RIC8B: variants seen among roughly 807,000 people sequenced by gnomAD.
RIC8B encodes chaperone Ric-8B.
A neutral mutation model predicts 57.5 loss-of-function variants in RIC8B; 16 were observed. The ratio of observed to expected loss-of-function variants is 0.28; its 90% CI spans 0.19 to 0.42. The LOEUF (loss-of-function observed/expected upper bound fraction) is 0.42. RIC8B is among the 10% of genes least tolerant of loss of function. The pLI, the probability that RIC8B is intolerant of heterozygous loss-of-function variation, is 1.00. For synonymous variants in RIC8B, 216 were observed against 250.8 expected (o/e 0.86, Z 1.31); for missense variants, 481 against 677.0 (o/e 0.71, Z 3.21).
chr12:106,810,766 G>A (rs1191523201), intron 2 of RIC8B, among the ~76,000 whole-genome samples: 1 of 152,208 alleles, frequency 6.6e-6, no homozygotes, highest in Non-Finnish European at 1.5e-5. Flanking sequence ...GATCTTAAGT[G>A]CCAAACTGAG....
intron 2 of RIC8B, among the ~76,000 whole-genome samples, chr12:106,798,368 A>G (rs529349921): frequency 6.6e-6 from 1 of 152,292 alleles, no homozygotes; most frequent in East Asian, 1.9e-4. Flanking sequence ...TAAAAAAACT[A>G]GAGGTTGACT....
Position 106,814,780 on chromosome 12 carries a change from C to T in RIC8B, c.217C>T (p.Leu73Phe). The change falls in exon 3 of 10, where the codon CTC (leucine) becomes TTC (phenylalanine). Residue 73 changes from leucine (L) to phenylalanine (F), a missense_variant. By Grantham distance (22) the Leu-to-Phe change is conservative. Transcript: ENST00000392837. ...QVSCLEVLRI[L>F]SRDKKVLVPV... ...GTCCTGCCTGGAAGTACTCCGCATT[C>T]TCTCCAGAGACAAAAAGGTTTTAGT... The T allele has an allele frequency of 6.2e-7, 1 of 1,614,174 alleles. No individual in the cohort carries two copies. The highest frequency in any genetic ancestry group is 8.5e-7 in the Non-Finnish European group (1 of 1,180,004).
chr12:106,803,504 T>C (rs889898819), intron 2 of RIC8B, among the ~76,000 whole-genome samples: 32 of 152,238 alleles, frequency 2.1e-4, no homozygotes, highest in Non-Finnish European at 2.5e-4. Context: ...AATGTGTGTG[T>C]ATCCTGCCAT....
At chr12:106,784,549 A>G (rs1336461373) in intron 2 of RIC8B, among the ~76,000 whole-genome samples, 1 of 152,086 alleles carries the variant, frequency 6.6e-6, no homozygotes, top group Admixed American at 6.6e-5. Flanking sequence ...TTGTAGAGAC[A>G]GGGTCTCATC....
intron 2 of RIC8B, chr12:106,797,934 T>C (rs2044557245): frequency 1.5e-6 from 1 of 655,676 alleles, no homozygotes; most frequent in African/African-American, 1.8e-5. Context: ...GATTGACCTG[T>C]TGTGTAGTTT....
chr12:106,802,892 A>T (rs1376351672), intron 2 of RIC8B, among the ~76,000 whole-genome samples: 1 of 151,960 alleles, frequency 6.6e-6, no homozygotes, highest in Non-Finnish European at 1.5e-5. Context: ...TTCTATGGTC[A>T]AAGTAAGGAA....
At chr12:106,875,341 C>T (rs1950613549) in intron 9 of RIC8B, among the ~76,000 whole-genome samples, 1 of 152,104 alleles carries the variant, frequency 6.6e-6, no homozygotes, top group South Asian at 2.1e-4. Flanking sequence ...CTCCTCTTTC[C>T]TTCCCTGACT....
At chr12:106,795,612 G>T (rs1357856086) in intron 2 of RIC8B, among the ~76,000 whole-genome samples, 1 of 152,122 alleles carries the variant, frequency 6.6e-6, no homozygotes, top group East Asian at 1.9e-4. Context: ...GCACTGTCTT[G>T]TCTGCTCCTT....
At chr12:106,873,335 T>A (rs111289537) in intron 9 of RIC8B, among the ~76,000 whole-genome samples, 49 of 152,364 alleles carry the variant, frequency 3.2e-4, no homozygotes, top group African/African-American at 1.2e-3. Context: ...TTACATTGTC[T>A]GCCTTTGTGT....
At chr12:106,859,705 C>T (rs11113131) in intron 7 of RIC8B, among the ~76,000 whole-genome samples, 4,292 of 152,162 alleles carry the variant, frequency 0.028, 203 homozygotes, top group African/African-American at 0.098. Flanking sequence ...GGTCTACCTT[C>T]GTAATGGGCT....
At position 106,867,935 on chromosome 12, in the gene RIC8B, G is replaced by GTTCT. The variant is rs1355600098; in HGVS notation, c.1452-2886_1452-2883dup. Reference sequence around the variant, plus strand: ...TGTTTTACTCTATGGCAAAAAATGAGTTCTTACTCTGTAAGAATGAATTTC... The same window carrying GTTCT: ...TGTTTTACTCTATGGCAAAAAATGAGTTCTTTCTTACTCTGTAAGAATGAATTTC... On this transcript the variant is annotated intron_variant, in intron 8 of 9. Transcript: ENST00000392837. This position sits in a 1 kb window ranked among gnomAD's most constrained non-coding sequence, Gnocchi z 4.3. Among the ~76,000 whole-genome samples the GTTCT allele has an allele frequency of 3.3e-5, 5 of 152,190 alleles. No homozygotes were observed. Among genetic ancestry groups the GTTCT allele is most frequent in the Non-Finnish European group, 7.3e-5 (5 of 68,032 alleles).
At chr12:106,809,211 A>G (rs897347378) in intron 2 of RIC8B, among the ~76,000 whole-genome samples, 1 of 152,172 alleles carries the variant, frequency 6.6e-6, no homozygotes, top group Non-Finnish European at 1.5e-5. Flanking sequence ...GCTCCAGGCA[A>G]TCATTTAACG....
At chr12:106,861,100 C>G (rs564817580) in intron 8 of RIC8B, among the ~76,000 whole-genome samples, 1 of 152,076 alleles carries the variant, frequency 6.6e-6, no homozygotes, top group East Asian at 1.9e-4. Flanking sequence ...CCATCCCACT[C>G]GTAACCCTCA....
At chr12:106,813,647 C>G (rs2045439974) in intron 2 of RIC8B, among the ~76,000 whole-genome samples, 1 of 152,124 alleles carries the variant, frequency 6.6e-6, no homozygotes, top group Non-Finnish European at 1.5e-5. Context: ...GGTTTCCTGA[C>G]AAGATCACAA....
rs368736237 is a variant in RIC8B at position 106,843,883 on chromosome 12, T to C, written c.1097T>C (p.Val366Ala). ...AGCTATAGAGAGGGTCTAACTCCAG[T>C]TCTCAGCTTATTAACCGAATGTTCC... is the stretch of plus-strand genomic sequence containing the variant. ...GSSYREGLTP[V>A]LSLLTECSRA... Residue 366 changes from valine (V) to alanine (A), a missense_variant, in exon 6 of 10, where the codon GTT (valine) becomes GCT (alanine). By Grantham distance (64) the Val-to-Ala change is moderately conservative (BLOSUM62 0). This residue lies in a region of RIC8B where 421 missense variants were observed against 560.9 expected (regional missense o/e 0.75). Transcript: ENST00000392837. The C allele has an allele frequency of 1.2e-6, 2 of 1,613,682 alleles. No homozygotes were observed. The highest frequency in any genetic ancestry group is 2.7e-5 in the African/African-American group (2 of 74,872).
chr12:106,777,956 C>T (rs1006296331), intron 1 of RIC8B, among the ~76,000 whole-genome samples: 4 of 152,118 alleles, frequency 2.6e-5, no homozygotes, highest in African/African-American at 7.2e-5. Flanking sequence ...TGACCCTAAA[C>T]GAGTTACTTA....
chr12:106,787,120 A>G (rs2044065773), intron 2 of RIC8B, among the ~76,000 whole-genome samples: 1 of 152,192 alleles, frequency 6.6e-6, no homozygotes, highest in Admixed American at 6.5e-5. Context: ...TCTTTTTCTG[A>G]GTTTTAGATT....
intron 4 of RIC8B, among the ~76,000 whole-genome samples, chr12:106,837,462 A>G (rs2046657673): frequency 6.6e-6 from 1 of 152,182 alleles, no homozygotes; most frequent in African/African-American, 2.4e-5. Flanking sequence ...TAACTTTAAA[A>G]AAATTTTATT....
intron 3 of RIC8B, among the ~76,000 whole-genome samples, chr12:106,816,083 T>A (rs2045562684): frequency 6.6e-6 from 1 of 152,180 alleles, no homozygotes; most frequent in Admixed American, 6.5e-5. Context: ...GACATAAGCT[T>A]TTTTCCCTCC....
Sources: allele counts gnomAD v4.1 joint callset (sites outside exome capture counted in the v4.1 genomes callset), GRCh38; gene constraint gnomAD v4.1.1; regional missense constraint gnomAD v4.1.1; non-coding constraint Gnocchi (gnomAD v3.1); transcripts MANE v1.5; gene names NCBI Gene and HGNC (gene_info 2026-07-23, HGNC 2026-07-21).